Variants in ARFGEF3 observed in about 807,000 individuals in gnomAD.
ARFGEF3 encodes the protein brefeldin A-inhibited guanine nucleotide-exchange protein 3.
ARFGEF3 carries 96 observed loss-of-function variants against 221.7 expected under a neutral mutation model. The observed-to-expected ratio is 0.43, with a 90% CI of 0.37 to 0.51. ARFGEF3 has a LOEUF of 0.51. Ranked by LOEUF, ARFGEF3 falls within the 20% of genes least tolerant of loss-of-function variation. The pLI, the probability that ARFGEF3 is intolerant of heterozygous loss-of-function variation, is 0.00. For missense variants in ARFGEF3, 2,410 were observed against 2,789.9 expected (o/e 0.86, Z 3.07); for synonymous variants, 1,145 against 1,126.8 (o/e 1.02, Z -0.32).
In ARFGEF3 at chr6:138,242,981, T is replaced by C. The variant is rs1778421575; in HGVS notation, c.573T>C (p.Asp191=). 2 of 1,612,228 alleles carry C rather than the reference T, an allele frequency of 1.2e-6. No individual in the cohort carries two copies. The highest frequency in any genetic ancestry group is 8.5e-7 in the Non-Finnish European group (1 of 1,178,900). The change falls in exon 7 of 34, where the codon GAT becomes GAC. Residue 191 remains aspartate (D), a synonymous_variant. Transcript: ENST00000251691. ...TTGAAAACCCAGATGTCCCACAGGATTTCGGGAATCAAGGTATGGCATTTG... is the reference window on the plus strand; with the variant it reads ...TTGAAAACCCAGATGTCCCACAGGACTTCGGGAATCAAGGTATGGCATTTG... ...TIIENPDVPQ[D]FGNQGSTVES...
intron 29 of ARFGEF3, among the ~76,000 whole-genome samples, chr6:138,323,164 G>A (rs140687458): frequency 4.6e-5 from 7 of 152,144 alleles, no homozygotes; most frequent in Non-Finnish European, 7.3e-5. Flanking sequence ...GAGGGGATCC[G>A]TTGATATTTC....
intron 4 of ARFGEF3, among the ~76,000 whole-genome samples, chr6:138,212,795 A>G (rs983881362): frequency 6.6e-6 from 1 of 152,160 alleles, no homozygotes; most frequent in Admixed American, 6.6e-5. Flanking sequence ...CAAACACCAC[A>G]TGTTCTCACT....
intron 25 of ARFGEF3, 67 bp from the exon 26 acceptor site, chr6:138,313,728 T>G (rs1242197412): frequency 7.6e-7 from 1 of 1,321,276 alleles, no homozygotes; most frequent in African/African-American, 1.5e-5. Flanking sequence ...ATTTCATTAT[T>G]CTTTAAAACC....
chr6:138,323,586 G>A, intron 29 of ARFGEF3, 85 bp from the exon 30 acceptor site: 1 of 1,253,706 alleles, frequency 8.0e-7, no homozygotes, highest in Non-Finnish European at 1.1e-6. Context: ...ACTCCAGGCT[G>A]GGCAACAAGA....
intron 31 of ARFGEF3, among the ~76,000 whole-genome samples, chr6:138,325,757 A>G (rs971423044): frequency 2.0e-5 from 3 of 152,234 alleles, no homozygotes; most frequent in Non-Finnish European, 2.9e-5. Flanking sequence ...AGTCAATGGG[A>G]TCTTCTGAAA....
intron 31 of ARFGEF3, among the ~76,000 whole-genome samples, chr6:138,326,320 T>C (rs2114687767): frequency 6.6e-6 from 1 of 151,818 alleles, no homozygotes; most frequent in South Asian, 2.1e-4. Flanking sequence ...TGGTGGCTCA[T>C]GCCTGTAATC....
At chr6:138,332,025 A>G (rs191736504) in intron 32 of ARFGEF3, among the ~76,000 whole-genome samples, 1 of 151,124 alleles carries the variant, frequency 6.6e-6, no homozygotes, top group South Asian at 2.1e-4. Context: ...GTGGATGAAG[A>G]TATTCCACAA....
intron 2 of ARFGEF3, among the ~76,000 whole-genome samples, chr6:138,195,281 G>C (rs770319388): frequency 6.6e-6 from 1 of 151,908 alleles, no homozygotes; most frequent in Non-Finnish European, 1.5e-5. Flanking sequence ...CAGGATTACA[G>C]GTGTGAGCCA....
At chr6:138,232,070 C>T (rs530503916) in intron 5 of ARFGEF3, among the ~76,000 whole-genome samples, 1 of 152,106 alleles carries the variant, frequency 6.6e-6, no homozygotes, top group African/African-American at 2.4e-5. Context: ...GATGCATAGC[C>T]CTTCTCTTCA....
chr6:138,323,848 C>T, intron 30 of ARFGEF3, 75 bp downstream of exon 30: 1 of 1,537,904 alleles, frequency 6.5e-7, no homozygotes, highest in South Asian at 1.1e-5. Flanking sequence ...CCATGTTGGG[C>T]ACATGGGTTC....
chr6:138,269,543 C>T (rs1425492179), intron 12 of ARFGEF3, among the ~76,000 whole-genome samples: 1 of 152,216 alleles, frequency 6.6e-6, no homozygotes, highest in Non-Finnish European at 1.5e-5. Flanking sequence ...GGCGCTGTGG[C>T]TCATGCCTGT....
At chr6:138,202,891 CAT>C (rs1562351869) in intron 2 of ARFGEF3, among the ~76,000 whole-genome samples, 2 of 151,876 alleles carry the variant, frequency 1.3e-5, no homozygotes, top group African/African-American at 4.8e-5. Context: ...CACACACACA[CAT>C]GCACACACAC....
chr6:138,168,554 A>G (rs138205749), intron 1 of ARFGEF3, among the ~76,000 whole-genome samples: 234 of 152,364 alleles, frequency 1.5e-3, no homozygotes, highest in African/African-American at 5.4e-3. Flanking sequence ...TGTGTTAAGC[A>G]GAGACTGCAG....
At chr6:138,218,369 T>A in intron 4 of ARFGEF3, 1 of 1,543,832 alleles carries the variant, frequency 6.5e-7, no homozygotes, top group South Asian at 1.2e-5. Flanking sequence ...TATCCTCATA[T>A]TTCTGGTTCC....
In ARFGEF3 at chr6:138,338,842, T is replaced by G. The variant is rs549845097; in HGVS notation, c.*2356T>G. The G allele has an allele frequency of 1.2e-4, 18 of 150,668 alleles. No homozygotes were observed. The highest frequency in any genetic ancestry group is 4.4e-4 in the African/African-American group (18 of 40,974). The allele number at this position is 150,668 out of a possible 1,614,324, so 9.3% of individuals were successfully genotyped here. A position where few individuals can be genotyped will look rare whatever the true frequency, so the allele number is the denominator to read the frequency against. Reference sequence around the variant, plus strand: ...AAAGTGAATACTGTATCCCAAAGTATGTTAGTTGTTTGTTTGGAAATCAGC... The same window carrying G: ...AAAGTGAATACTGTATCCCAAAGTAGGTTAGTTGTTTGTTTGGAAATCAGC... On this transcript the variant is annotated 3_prime_UTR_variant, in exon 34 of 34. Transcript: ENST00000251691.
chr6:138,198,135 A>G (rs1777466068), intron 2 of ARFGEF3, among the ~76,000 whole-genome samples: 1 of 152,208 alleles, frequency 6.6e-6, no homozygotes, highest in African/African-American at 2.4e-5. Flanking sequence ...TAACCATTTT[A>G]TATTATTTAG....
rs144052787 is a variant in ARFGEF3 at position 138,252,305 on chromosome 6, A to C, written c.666-1575A>C. On this transcript the variant is annotated intron_variant, in intron 8 of 33. Transcript: ENST00000251691. ...GTTTTTGTTTAGTTCTATAAACCTT[A>C]AAAGAAAATAAAAACAGTATTTTTA... is the stretch of plus-strand genomic sequence containing the variant. Among the ~76,000 whole-genome samples the C allele has an allele frequency of 6.5e-3, 985 of 152,370 alleles. 9 individuals carry two copies. The highest frequency in any genetic ancestry group is 0.043 in the South Asian group (207 of 4,824).
chr6:138,305,999 G>T (rs1167049273), intron 22 of ARFGEF3, among the ~76,000 whole-genome samples: 1 of 152,038 alleles, frequency 6.6e-6, no homozygotes, highest in Non-Finnish European at 1.5e-5. Flanking sequence ...TTTGCTCATT[G>T]TATAAAGAAA....
rs6906207 is a variant in ARFGEF3, at chr6:138,321,512, C to T, written c.4766+287C>T. ...TCAGCATCAGTGATCATAAGAGAAA[C>T]GCAAATTGAATGTACAATGAGATAT... On this transcript the variant is annotated intron_variant, in intron 29 of 33. Transcript: ENST00000251691. Among the ~76,000 whole-genome samples the T allele has an allele frequency of 7.9e-3, 1,201 of 152,170 alleles. 20 individuals carry two copies. Among genetic ancestry groups the T allele is most frequent in the African/African-American group, 0.027 (1,114 of 41,526 alleles).
Sources: gnomAD v4.1 joint callset for allele counts (sites outside exome capture counted in the v4.1 genomes callset) on GRCh38, gnomAD v4.1.1 for gene constraint, MANE v1.5 for transcripts, NCBI Gene and HGNC (gene_info 2026-07-23, HGNC 2026-07-21) for gene names.